Variants in RNF185 observed in about 807,000 individuals in gnomAD.
RNF185 encodes ring finger protein 185.
RNF185 carries 13 observed loss-of-function variants against 24.9 expected under a neutral mutation model. The ratio of observed to expected loss-of-function variants is 0.52; its 90% CI spans 0.34 to 0.83. RNF185 has a LOEUF of 0.83. RNF185 is among the 40% of genes least tolerant of loss of function. RNF185 has a pLI of 0.01. For missense variants in RNF185, 184 were observed against 244.7 expected, an observed-to-expected ratio of 0.75 and a Z score of 1.65; for synonymous variants, 79 against 90.3, an observed-to-expected ratio of 0.88 and a Z score of 0.71.
chr22:31,195,775 C>T (rs1196378552), intron 4 of RNF185, among the ~76,000 whole-genome samples, 194 bp downstream of exon 4: 2 of 152,234 alleles, frequency 1.3e-5, no homozygotes, highest in Admixed American at 6.5e-5. Flanking sequence ...TAGGACCCAG[C>T]AGTGAACAGA....
intron 1 of RNF185, among the ~76,000 whole-genome samples, chr22:31,161,361 A>C (rs140231920): frequency 3.5e-3 from 532 of 152,280 alleles, no homozygotes; most frequent in Non-Finnish European, 5.4e-3. Context: ...TCTGCTCTCA[A>C]GGCAAATGTG....
chr22:31,174,379 A>T lies in RNF185; in HGVS notation c.-48-12668A>T, dbSNP rs112011769. On this transcript the variant is annotated intron_variant, in intron 1 of 6. Transcript: ENST00000326132. ...AATCCCATTTCACTCTTTAAAAAAA[A>T]TTTTTTTTTTTAATTTAAGAAACAG... 8.7e-4 allele frequency among the ~76,000 whole-genome samples: 131 copies of T among 150,492 alleles called. No individual in the cohort carries two copies. In the Middle Eastern group the frequency reaches 0.01, roughly 12 times the overall value.
chr22:31,188,943 A>AC (rs1247914556), intron 2 of RNF185, among the ~76,000 whole-genome samples: 3 of 141,780 alleles, frequency 2.1e-5, no homozygotes, highest in Admixed American at 7.2e-5. Flanking sequence ...ACACGGTGAA[A>AC]CCCGTTTCTA....
At position 31,192,750 on chromosome 22, in the gene RNF185, C is replaced by T. The variant is rs769746777; in HGVS notation, c.195+48C>T. ...TTGTCTTTCATCAGCTCTGGTTGCACAAGAGAGCCCTAGTCTCAGGAGACT... is the reference window on the plus strand; with the variant it reads ...TTGTCTTTCATCAGCTCTGGTTGCATAAGAGAGCCCTAGTCTCAGGAGACT... On this transcript the variant is annotated intron_variant, in intron 3 of 6. Coordinates refer to ENST00000326132, the MANE Select transcript of RNF185 (RefSeq NM_152267.4). 2.5e-6 allele frequency: 4 copies of T among 1,575,816 alleles called. No homozygotes were observed. In the Admixed American group the frequency reaches 6.7e-5, roughly 26 times the overall value.
At chr22:31,182,146 C>T (rs564527345) in intron 1 of RNF185, among the ~76,000 whole-genome samples, 1 of 138,166 alleles carries the variant, frequency 7.2e-6, no homozygotes, top group Non-Finnish European at 1.5e-5. Flanking sequence ...GGTTTCCACT[C>T]TGTCACCCAG....
At chr22:31,182,842 C>G (rs2048052169) in intron 1 of RNF185, 1 of 151,870 alleles carries the variant, frequency 6.6e-6, no homozygotes, top group Non-Finnish European at 1.5e-5. Context: ...CTGATGACAT[C>G]TTCATGGAGT....
chr22:31,201,420 T>A (rs563660971), intron 5 of RNF185, 78 bp from the exon 6 acceptor site: 1 of 989,062 alleles, frequency 1.0e-6, no homozygotes, highest in Admixed American at 1.7e-5. Flanking sequence ...CAAGACAACG[T>A]GAGGTATGTT....
chr22:31,160,417 A>C (rs759771010), intron 1 of RNF185, 114 bp downstream of exon 1: 1 of 152,260 alleles, frequency 6.6e-6, no homozygotes, highest in Non-Finnish European at 1.5e-5. Context: ...CCAGGGGCCC[A>C]GAGACAGCAA....
chr22:31,189,134 A>AATAT (rs767793942), intron 2 of RNF185, among the ~76,000 whole-genome samples: 1 of 37,008 alleles, frequency 2.7e-5, no homozygotes, highest in Non-Finnish European at 5.9e-5. Flanking sequence ...TCAAAAAAAA[A>AATAT]ATGTGTGTGT....
At chr22:31,192,082 C>G (rs1381228711) in intron 2 of RNF185, among the ~76,000 whole-genome samples, 1 of 152,086 alleles carries the variant, frequency 6.6e-6, no homozygotes, top group Admixed American at 6.6e-5. Flanking sequence ...CCCATCCTTT[C>G]TATTACTTAA....
At chr22:31,179,202 G>T (rs1433431542) in intron 1 of RNF185, among the ~76,000 whole-genome samples, 3 of 152,176 alleles carry the variant, frequency 2.0e-5, no homozygotes, top group Non-Finnish European at 4.4e-5. Context: ...AATTTTAGCA[G>T]GATGGCCATA....
At position 31,163,402 on chromosome 22, in the gene RNF185, A is replaced by G. The variant is rs1005882249; in HGVS notation, c.-49+3099A>G. Among the ~76,000 whole-genome samples, 12 of 151,582 alleles carry G rather than the reference A, an allele frequency of 7.9e-5. 1 individual carries two copies. Among genetic ancestry groups the G allele is most frequent in the Admixed American group, 6.6e-4 (10 of 15,200 alleles). On this transcript the variant is annotated intron_variant, in intron 1 of 6. Coordinates refer to ENST00000326132, the MANE Select transcript of RNF185 (RefSeq NM_152267.4). ...GAGTGCAGTGGCACGAACATAGCCT[A>G]CTACAGCCTTGACCTCCTGGGCTGA...
chr22:31,175,417 G>A (rs2047973508), intron 1 of RNF185, among the ~76,000 whole-genome samples: 1 of 150,320 alleles, frequency 6.7e-6, no homozygotes, highest in Non-Finnish European at 1.5e-5. Flanking sequence ...TCACGCCATT[G>A]CACTCCATCC....
At chr22:31,172,221 C>T (rs928019045) in intron 1 of RNF185, among the ~76,000 whole-genome samples, 1 of 151,896 alleles carries the variant, frequency 6.6e-6, no homozygotes, top group Non-Finnish European at 1.5e-5. Flanking sequence ...GGTGTGGTGG[C>T]TAATGCCTGT....
intron 5 of RNF185, among the ~76,000 whole-genome samples, chr22:31,200,226 G>T (rs1032259726): frequency 6.6e-6 from 1 of 151,972 alleles, no homozygotes; most frequent in Non-Finnish European, 1.5e-5. Context: ...GCATGGAGGG[G>T]TACACCTGTG....
At chr22:31,164,844 C>T (rs1027467273) in intron 1 of RNF185, among the ~76,000 whole-genome samples, 5 of 152,064 alleles carry the variant, frequency 3.3e-5, no homozygotes, top group African/African-American at 1.2e-4. Flanking sequence ...CCTCGGCCTC[C>T]CAAAGTTCTG....
intron 1 of RNF185, among the ~76,000 whole-genome samples, chr22:31,179,816 C>A (rs1439022560): frequency 2.0e-5 from 3 of 152,178 alleles, no homozygotes; most frequent in Non-Finnish European, 4.4e-5. Context: ...TTGTTGGGTC[C>A]ACGAAGTGGG....
At chr22:31,202,873 C>T (rs2048276917) in intron 6 of RNF185, among the ~76,000 whole-genome samples, 1 of 152,154 alleles carries the variant, frequency 6.6e-6, no homozygotes. Flanking sequence ...CTGGGCCTCC[C>T]AATGTGCTGG....
chr22:31,170,380 C>T (rs778742531), intron 1 of RNF185, among the ~76,000 whole-genome samples: 9 of 151,936 alleles, frequency 5.9e-5, no homozygotes, highest in Middle Eastern at 3.2e-3. Context: ...TTAGTAGAGA[C>T]GAGGTTTCAC....
Sources: gnomAD v4.1 joint callset for allele counts (sites outside exome capture counted in the v4.1 genomes callset) on GRCh38, gnomAD v4.1.1 for gene constraint, MANE v1.5 for transcripts, NCBI Gene and HGNC (gene_info 2026-07-23, HGNC 2026-07-21) for gene names.